Variants in DCC observed in about 807,000 individuals in gnomAD.
DCC encodes the protein netrin receptor DCC.
In DCC, 58 loss-of-function variants were observed where a neutral mutation model predicts 172.5. The ratio of observed to expected loss-of-function variants is 0.34; its 90% CI spans 0.27 to 0.42. The LOEUF (loss-of-function observed/expected upper bound fraction) is 0.42, where lower values mean the gene tolerates loss of function less well. Ranked by LOEUF, DCC falls within the 10% of genes least tolerant of loss-of-function variation. The pLI, the probability that DCC is intolerant of heterozygous loss-of-function variation, is 1.00. For synonymous variants in DCC, 709 were observed against 644.5 expected, an observed-to-expected ratio of 1.10 and a Z score of -1.52; for missense variants, 1,740 against 1,791.0, an observed-to-expected ratio of 0.97 and a Z score of 0.51.
chr18:53,272,837 G>A lies in DCC; in HGVS notation c.1912-32741G>A, dbSNP rs117231049. Among the ~76,000 whole-genome samples the A allele has an allele frequency of 2.4e-3, 368 of 152,126 alleles. 6 individuals carry two copies. The highest frequency in any genetic ancestry group is 0.02 in the Admixed American group (300 of 15,282). On this transcript the variant is annotated intron_variant, in intron 12 of 28. Transcript: ENST00000442544. Reference sequence around the variant, plus strand: ...AATTGTGTTATCCTTTGATTGTTTCGGAAAAAGCTGTTCTCTTTAAATAGC... The same window carrying A: ...AATTGTGTTATCCTTTGATTGTTTCAGAAAAAGCTGTTCTCTTTAAATAGC...
At chr18:53,008,352 T>G (rs989057925) in intron 5 of DCC, among the ~76,000 whole-genome samples, 1 of 152,090 alleles carries the variant, frequency 6.6e-6, no homozygotes, top group Non-Finnish European at 1.5e-5. Context: ...AATTTCCATT[T>G]AATTTGCTTC....
chr18:52,799,788 CTTTGT>C (rs1418015069), intron 2 of DCC, among the ~76,000 whole-genome samples: 2 of 152,114 alleles, frequency 1.3e-5, no homozygotes, highest in Admixed American at 6.5e-5. Flanking sequence ...ATTTCTGATA[CTTTGT>C]TTTATCTGTT....
chr18:52,750,598 A>T (rs1405929211), intron 1 of DCC, among the ~76,000 whole-genome samples: 1 of 152,222 alleles, frequency 6.6e-6, no homozygotes, highest in Non-Finnish European at 1.5e-5. Context: ...AGAATAACAG[A>T]CTTCAAACGT....
At chr18:52,548,760 T>A (rs541277095) in intron 1 of DCC, among the ~76,000 whole-genome samples, 1 of 152,110 alleles carries the variant, frequency 6.6e-6, no homozygotes, top group Non-Finnish European at 1.5e-5. Flanking sequence ...GATGGAATAT[T>A]TGGGGTCTCA....
intron 1 of DCC, among the ~76,000 whole-genome samples, chr18:52,633,327 G>A (rs1051788203): frequency 6.6e-6 from 1 of 152,204 alleles, no homozygotes; most frequent in African/African-American, 2.4e-5. Flanking sequence ...AGGGCTGGTT[G>A]TGGCAGTAGG....
At chr18:52,474,940 A>G (rs1043658474) in intron 1 of DCC, among the ~76,000 whole-genome samples, 3 of 152,194 alleles carry the variant, frequency 2.0e-5, no homozygotes, top group African/African-American at 7.2e-5. Context: ...TAAATTGTCT[A>G]AAGTTTTGGA....
At chr18:52,514,547 T>G (rs571414323) in intron 1 of DCC, among the ~76,000 whole-genome samples, 6 of 152,342 alleles carry the variant, frequency 3.9e-5, no homozygotes, top group African/African-American at 1.4e-4. Flanking sequence ...GTTAGAGACT[T>G]GGAAATGTGA....
intron 7 of DCC, among the ~76,000 whole-genome samples, chr18:53,075,210 G>C (rs1216300706): frequency 1.3e-5 from 2 of 152,144 alleles, no homozygotes; most frequent in Non-Finnish European, 2.9e-5. Flanking sequence ...CAAAATGACT[G>C]CTAGTTGAAA....
intron 7 of DCC, among the ~76,000 whole-genome samples, chr18:53,068,156 T>C (rs539655242): frequency 2.0e-5 from 3 of 152,330 alleles, no homozygotes; most frequent in African/African-American, 4.8e-5. Flanking sequence ...TGTAACTTCA[T>C]TGGTGTGACT....
At chr18:53,009,322 T>A (rs573866874) in intron 5 of DCC, among the ~76,000 whole-genome samples, 1 of 152,080 alleles carries the variant, frequency 6.6e-6, no homozygotes, top group African/African-American at 2.4e-5. Context: ...ATAATAAAAA[T>A]CAGGAATGTT....
rs144794855 is a variant in DCC, at chr18:52,824,791, C to A, written c.412+72417C>A. On this transcript the variant is annotated intron_variant, in intron 2 of 28. Coordinates refer to ENST00000442544, the MANE Select transcript of DCC (RefSeq NM_005215.4). ...TCCAAGACCAACCTGGCCAACATAG[C>A]GAAACCCCGTCTCTACTAAAATACA... Among the ~76,000 whole-genome samples the A allele has an allele frequency of 6.6e-3, 998 of 151,866 alleles. 4 individuals carry two copies. Among genetic ancestry groups the A allele is most frequent in the Non-Finnish European group, 8.8e-3 (596 of 67,934 alleles).
At chr18:52,859,673 A>G (rs1438641121) in intron 2 of DCC, among the ~76,000 whole-genome samples, 2 of 152,202 alleles carry the variant, frequency 1.3e-5, no homozygotes, top group African/African-American at 4.8e-5. Flanking sequence ...TGGCTCCATC[A>G]ATGCAGGTTT....
intron 2 of DCC, among the ~76,000 whole-genome samples, chr18:52,760,280 A>G (rs2037138696): frequency 6.6e-6 from 1 of 152,170 alleles, no homozygotes; most frequent in African/African-American, 2.4e-5. Flanking sequence ...ATCAGATCTC[A>G]TGAGAACTCA....
At chr18:52,524,499 T>C (rs1047198224) in intron 1 of DCC, among the ~76,000 whole-genome samples, 7 of 152,222 alleles carry the variant, frequency 4.6e-5, no homozygotes, top group Non-Finnish European at 8.8e-5. Context: ...AAGCACATTG[T>C]TATGTAAGTG....
intron 12 of DCC, among the ~76,000 whole-genome samples, chr18:53,223,619 G>T (rs2055976558): frequency 6.6e-6 from 1 of 152,118 alleles, no homozygotes; most frequent in South Asian, 2.1e-4. Flanking sequence ...TGGAATGGTT[G>T]ATTAGTTAGA....
At chr18:52,731,605 T>C (rs1007713523) in intron 1 of DCC, among the ~76,000 whole-genome samples, 1 of 152,198 alleles carries the variant, frequency 6.6e-6, no homozygotes, top group African/African-American at 2.4e-5. Flanking sequence ...ACTATATTAA[T>C]ACAGTAGAGT....
At position 52,912,309 on chromosome 18, in the gene DCC, G is replaced by A. The variant is rs1309508229; in HGVS notation, c.697+5981G>A. Among the ~76,000 whole-genome samples the A allele has an allele frequency of 2.4e-5, 3 of 125,628 alleles. No individual in the cohort carries two copies. The East Asian group carries it at 6.1e-4, about 26-fold the overall frequency. 82.4% of individuals were successfully genotyped at this position (125,628 alleles called of 152,430 possible). On this transcript the variant is annotated intron_variant, in intron 3 of 28. Transcript: ENST00000442544. ...GCCTGTAACTTCAAAGTCCTCAGTA[G>A]CTATTATAATTATCTTAGCATTTTA...
chr18:52,656,048 A>ATGTATATATGTGTATATATATG (rs2035242795), intron 1 of DCC, among the ~76,000 whole-genome samples: 1 of 126,894 alleles, frequency 7.9e-6, no homozygotes, highest in East Asian at 2.2e-4. Context: ...GTGTATATAT[A>ATGTATATATGTGTATATATATG]TGTATATATG....
intron 1 of DCC, among the ~76,000 whole-genome samples, chr18:52,652,711 A>AGTGTGTGTGTGTAAGTGTGTGTGTGTGT (rs2035160759): frequency 2.1e-5 from 3 of 143,344 alleles, no homozygotes; most frequent in Non-Finnish European, 4.5e-5. Flanking sequence ...ACTGCAATAA[A>AGTGTGTGTGTGTAAGTGTGTGTGTGTGT]GTGTGTGTGT....
Sources: gnomAD v4.1 joint callset for allele counts (sites outside exome capture counted in the v4.1 genomes callset) on GRCh38, gnomAD v4.1.1 for gene constraint, MANE v1.5 for transcripts, NCBI Gene and HGNC (gene_info 2026-07-23, HGNC 2026-07-21) for gene names.